RARA: variants seen among roughly 807,000 people sequenced by gnomAD.
The protein encoded by RARA is PML-DDX5-RARA fusion.
In RARA, 5 loss-of-function variants were observed where a neutral mutation model predicts 42.8. That is an observed-to-expected ratio of 0.12 (90% confidence interval 0.06 to 0.25). RARA has a LOEUF of 0.25. Among genes scored for constraint, RARA ranks in the 10% least tolerant of loss-of-function variants. RARA has a pLI of 1.00. For missense variants in RARA, 402 were observed against 628.7 expected, an observed-to-expected ratio of 0.64 and a Z score of 3.86; for synonymous variants, 256 against 259.5, an observed-to-expected ratio of 0.99 and a Z score of 0.13.
chr17:40,317,866 A>G (rs778152930), intron 1 of RARA, among the ~76,000 whole-genome samples: 6 of 152,108 alleles, frequency 3.9e-5, no homozygotes, highest in Non-Finnish European at 5.9e-5. Context: ...ACTCACTTCC[A>G]TATTACGCCG....
intron 1 of RARA, among the ~76,000 whole-genome samples, chr17:40,315,678 C>T (rs1369863839): frequency 1.3e-5 from 2 of 152,146 alleles, no homozygotes; most frequent in Non-Finnish European, 2.9e-5. Context: ...TGTGAGAAGA[C>T]AGCCTTGTTG....
Position 40,356,476 on chromosome 17 carries a change from TGGTCCTGGGTCTCAGGATG to T in RARA, c.*260_*278del. On this transcript the variant is annotated 3_prime_UTR_variant, in exon 9 of 9. Coordinates refer to ENST00000254066, the MANE Select transcript of RARA (RefSeq NM_000964.4). Reference sequence around the variant, plus strand: ...GAGGCCAGGAACTGAGTGAGGCCCCTGGTCCTGGGTCTCAGGATGGGTCCTGGGGGCCTCGTGTTCATCA... The same window carrying T: ...GAGGCCAGGAACTGAGTGAGGCCCCTGGTCCTGGGGGCCTCGTGTTCATCA... 1 of 691,670 alleles carries T rather than the reference TGGTCCTGGGTCTCAGGATG, an allele frequency of 1.4e-6. No individual in the cohort carries two copies. The highest frequency in any genetic ancestry group is 2.6e-6 in the Non-Finnish European group (1 of 378,638). 42.8% of individuals were successfully genotyped at this position (691,670 alleles called of 1,614,324 possible). A position where few individuals can be genotyped will look rare whatever the true frequency, so the allele number is the denominator to read the frequency against.
chr17:40,341,756 C>G (rs944706648), intron 2 of RARA: 12 of 1,289,876 alleles, frequency 9.3e-6, no homozygotes, highest in Middle Eastern at 2.9e-4. Flanking sequence ...CTCTTCCCCG[C>G]CCCACCACCT....
intron 2 of RARA, among the ~76,000 whole-genome samples, chr17:40,346,853 G>T (rs1049913526): frequency 2.0e-5 from 3 of 152,226 alleles, no homozygotes; most frequent in African/African-American, 7.2e-5. Flanking sequence ...GGCAGGGAAG[G>T]GGATGGGGGG....
At position 40,357,327 on chromosome 17, in the gene RARA, C is replaced by G. The variant is rs532360714; in HGVS notation, c.*1101C>G. On this transcript the variant is annotated 3_prime_UTR_variant, in exon 9 of 9. Coordinates refer to ENST00000254066, the MANE Select transcript of RARA (RefSeq NM_000964.4). ...AGGGCCCCCAGACACCACACACATG[C>G]GCGTGCGCACACACACAAACACACA... 8.5e-6 allele frequency: 2 copies of G among 235,136 alleles called. No homozygotes were observed. The highest frequency in any genetic ancestry group is 1.7e-4 in the South Asian group (1 of 5,884). The allele number at this position is 235,136 out of a possible 1,614,324, so 14.6% of individuals were successfully genotyped here.
At chr17:40,347,821 G>T (rs978148543) in intron 2 of RARA, among the ~76,000 whole-genome samples, 7 of 151,932 alleles carry the variant, frequency 4.6e-5, no homozygotes, top group African/African-American at 1.7e-4. Flanking sequence ...GGCAGAATGG[G>T]GTGGAGGGGG....
chr17:40,334,804 G>A (rs2033798061), intron 2 of RARA, among the ~76,000 whole-genome samples: 1 of 152,212 alleles, frequency 6.6e-6, no homozygotes, highest in African/African-American at 2.4e-5. Flanking sequence ...CCCAGGTGGG[G>A]AGGAGGCAGC....
rs550392738 is a variant in RARA, at chr17:40,322,899, C to G, written c.-362-7958C>G. On this transcript the variant is annotated intron_variant, in intron 1 of 8. Coordinates refer to ENST00000254066, the MANE Select transcript of RARA (RefSeq NM_000964.4). Reference sequence around the variant, plus strand: ...CAGCTGATTCCCCAGGGGGTGCAAACAATCTTCATCACCCCCCCAACACTA... The same window carrying G: ...CAGCTGATTCCCCAGGGGGTGCAAAGAATCTTCATCACCCCCCCAACACTA... The G allele has an allele frequency of 3.9e-5, 6 of 152,180 alleles. No individual in the cohort carries two copies. The East Asian group carries it at 1.2e-3, about 29-fold the overall frequency. 9.4% of individuals were successfully genotyped at this position (152,180 alleles called of 1,614,324 possible). A position where few individuals can be genotyped will look rare whatever the true frequency, so the allele number is the denominator to read the frequency against.
intron 1 of RARA, among the ~76,000 whole-genome samples, chr17:40,329,226 C>T (rs1318850819): frequency 6.6e-6 from 1 of 151,716 alleles, no homozygotes; most frequent in Non-Finnish European, 1.5e-5. Flanking sequence ...CAGGTTCAAG[C>T]AATTCTCGTG....
Position 40,352,244 on chromosome 17 carries a change from G to C in RARA, c.631-87G>C, listed in dbSNP as rs2143501389. 1 of 1,512,544 alleles carries C rather than the reference G, an allele frequency of 6.6e-7. No homozygotes were observed. The highest frequency in any genetic ancestry group is 1.3e-5 in the South Asian group (1 of 75,130). The allele number at this position is 1,512,544 out of a possible 1,614,324, so 93.7% of individuals were successfully genotyped here. Reference sequence around the variant, plus strand: ...AAGGAGCTCCCAGGAAGTGAAGGCTGGGTAGAGGGCAGGCCTGTGGGGGCT... The same window carrying C: ...AAGGAGCTCCCAGGAAGTGAAGGCTCGGTAGAGGGCAGGCCTGTGGGGGCT... On this transcript the variant is annotated intron_variant, in intron 5 of 8. Coordinates refer to ENST00000254066, the MANE Select transcript of RARA (RefSeq NM_000964.4). The surrounding 1 kb of genome is among the most constrained non-coding windows in gnomAD (Gnocchi z 4.9).
chr17:40,330,163 C>G (rs952447654), intron 1 of RARA, among the ~76,000 whole-genome samples: 2 of 152,192 alleles, frequency 1.3e-5, no homozygotes, highest in Non-Finnish European at 2.9e-5. Flanking sequence ...GTGGGTGAAC[C>G]TTGAGATCAA....
chr17:40,354,236 G>A lies in RARA; in HGVS notation c.808-66G>A, dbSNP rs2143519453. 6.7e-7 allele frequency: 1 copy of A among 1,494,484 alleles called. No individual in the cohort carries two copies. The highest frequency in any genetic ancestry group is 9.2e-7 in the Non-Finnish European group (1 of 1,083,052). The allele number at this position is 1,494,484 out of a possible 1,614,324, so 92.6% of individuals were successfully genotyped here. ...TCCTCCGGGAGTGCTGGTGCGGAGT[G>A]CTGGTGCCGAGTGCTCAGAGTGGGT... On this transcript the variant is annotated intron_variant, in intron 6 of 8. Coordinates refer to ENST00000254066, the MANE Select transcript of RARA (RefSeq NM_000964.4). The surrounding 1 kb of genome is among the most constrained non-coding windows in gnomAD (Gnocchi z 4.5).
rs1055060471 is a variant in RARA at position 40,347,111 on chromosome 17, A to T, written c.179-1205A>T. ...TGGGGCTATGTGACTCATGTCTGTA[A>T]GGTGCTTGGGCCAGGAGCTGTGGGC... On this transcript the variant is annotated intron_variant, in intron 2 of 8. Transcript: ENST00000254066. Among the ~76,000 whole-genome samples, 76 of 152,278 alleles carry T rather than the reference A, an allele frequency of 5.0e-4. 1 individual carries two copies. Among genetic ancestry groups the T allele is most frequent in the African/African-American group, 1.8e-3 (74 of 41,544 alleles).
At chr17:40,353,433 G>A (rs916436994) in intron 6 of RARA, among the ~76,000 whole-genome samples, 1 of 152,126 alleles carries the variant, frequency 6.6e-6, no homozygotes, top group Non-Finnish European at 1.5e-5. Context: ...GGGATTTGAC[G>A]AGACTGTCAT....
At position 40,331,329 on chromosome 17, in the gene RARA, G is replaced by T. The variant is rs376736940; in HGVS notation, c.111G>T (p.Pro37=). ...FFPPMLGGLS[P]PGALTTLQHQ... ...CCCCTATGCTGGGTGGACTCTCCCC[G>T]CCAGGCGCTCTGACCACTCTCCAGC... Residue 37 remains proline, a synonymous_variant, in exon 2 of 9, where the codon CCG becomes CCT. Transcript: ENST00000254066. 6.2e-7 allele frequency: 1 copy of T among 1,613,896 alleles called. No individual in the cohort carries two copies. Among genetic ancestry groups the T allele is most frequent in the African/African-American group, 1.3e-5 (1 of 74,918 alleles).
intron 2 of RARA, among the ~76,000 whole-genome samples, chr17:40,340,310 T>G (rs148170072): frequency 2.8e-3 from 421 of 152,320 alleles, no homozygotes; most frequent in Middle Eastern, 6.8e-3. Context: ...CTTTTTACAC[T>G]GTAAATCTGA....
At chr17:40,322,918 A>G (rs1444658089) in intron 1 of RARA, 3 of 152,044 alleles carry the variant, frequency 2.0e-5, no homozygotes, top group African/African-American at 7.3e-5. Flanking sequence ...TCACCCCCCC[A>G]ACACTAAGAA....
intron 1 of RARA, among the ~76,000 whole-genome samples, chr17:40,311,541 G>A (rs746825874): frequency 2.0e-5 from 3 of 152,198 alleles, no homozygotes; most frequent in Admixed American, 6.5e-5. Flanking sequence ...TTCTTGTTCA[G>A]AAATGTTTCA....
At position 40,349,779 on chromosome 17, in the gene RARA, C is replaced by G; in HGVS notation, c.328-5C>G. 6.2e-7 allele frequency: 1 copy of G among 1,614,062 alleles called. No homozygotes were observed. The highest frequency in any genetic ancestry group is 8.5e-7 in the Non-Finnish European group (1 of 1,179,944). Reference sequence around the variant, plus strand: ...ACAACCTGACTCCCTCCCCTCCATACCCAGGGCTTCTTCCGCCGCAGCATC... The same window carrying G: ...ACAACCTGACTCCCTCCCCTCCATAGCCAGGGCTTCTTCCGCCGCAGCATC... On this transcript the variant is annotated splice_polypyrimidine_tract_variant and splice_region_variant and intron_variant, in intron 3 of 8. Coordinates refer to ENST00000254066, the MANE Select transcript of RARA (RefSeq NM_000964.4).
Sources: allele counts gnomAD v4.1 joint callset (sites outside exome capture counted in the v4.1 genomes callset), GRCh38; gene constraint gnomAD v4.1.1; non-coding constraint Gnocchi (gnomAD v3.1); transcripts MANE v1.5; gene names NCBI Gene and HGNC (gene_info 2026-07-23, HGNC 2026-07-21).